APLP2: variants seen among roughly 807,000 people sequenced by gnomAD.
APLP2 encodes CDEI box-binding protein.
In APLP2, 53 loss-of-function variants were observed where a neutral mutation model predicts 89.9. The observed-to-expected ratio is 0.59, with a 90% CI of 0.47 to 0.74. The LOEUF (loss-of-function observed/expected upper bound fraction) is 0.74, where lower values mean the gene tolerates loss of function less well. APLP2 is among the 30% of genes least tolerant of loss of function. The pLI, the probability that APLP2 is intolerant of heterozygous loss-of-function variation, is 0.00. For synonymous variants in APLP2, 372 were observed against 348.6 expected (o/e 1.07, Z -0.75); for missense variants, 973 against 975.9 (o/e 1.00, Z 0.04).
intron 1 of APLP2, among the ~76,000 whole-genome samples, chr11:130,105,701 C>CTTTTTTTT (rs765278847): frequency 2.5e-5 from 3 of 118,188 alleles, no homozygotes; most frequent in South Asian, 2.6e-4. Context: ...TTTCTGTCTG[C>CTTTTTTTT]TTTTTTTTTT....
At chr11:130,077,179 G>A (rs1452047353) in intron 1 of APLP2, among the ~76,000 whole-genome samples, 1 of 152,188 alleles carries the variant, frequency 6.6e-6, no homozygotes, top group Non-Finnish European at 1.5e-5. Flanking sequence ...TTAAAAGTTA[G>A]CTGGCAAAAT....
chr11:130,077,895 C>G (rs888027181), intron 1 of APLP2, among the ~76,000 whole-genome samples: 4 of 152,166 alleles, frequency 2.6e-5, no homozygotes, highest in African/African-American at 9.7e-5. Context: ...ACCCTTGCTG[C>G]TTCTACCCAC....
At chr11:130,126,937 A>G (rs1338054589) in intron 8 of APLP2, 107 bp downstream of exon 8, 47 of 1,499,326 alleles carry the variant, frequency 3.1e-5, no homozygotes, top group Non-Finnish European at 4.3e-5. Flanking sequence ...ATGCTGATGT[A>G]TAAGGACTGG....
chr11:130,142,995 C>T (rs1342304645), intron 16 of APLP2, among the ~76,000 whole-genome samples: 1 of 152,160 alleles, frequency 6.6e-6, no homozygotes, highest in Non-Finnish European at 1.5e-5. Flanking sequence ...CCCCTGGTCC[C>T]ACCGTCTGCT....
intron 10 of APLP2, among the ~76,000 whole-genome samples, chr11:130,129,527 C>A (rs983844375): frequency 7.2e-5 from 11 of 152,126 alleles, no homozygotes; most frequent in Non-Finnish European, 1.5e-4. Context: ...TTCATGAAGA[C>A]TTTTGAACAA....
intron 13 of APLP2, among the ~76,000 whole-genome samples, chr11:130,138,530 G>T (rs1048837182): frequency 2.6e-5 from 4 of 151,242 alleles, no homozygotes; most frequent in Admixed American, 2.0e-4. Context: ...GTTAAGAAAC[G>T]TGGGGGCTAT....
intron 3 of APLP2, among the ~76,000 whole-genome samples, chr11:130,113,957 C>T (rs549742792): frequency 1.3e-5 from 2 of 152,102 alleles, no homozygotes; most frequent in Non-Finnish European, 2.9e-5. Flanking sequence ...CACACATACT[C>T]GAGGTTTGTT....
At chr11:130,086,809 T>C (rs749803083) in intron 1 of APLP2, among the ~76,000 whole-genome samples, 36 of 151,130 alleles carry the variant, frequency 2.4e-4, no homozygotes, top group Non-Finnish European at 5.0e-4. Flanking sequence ...TGACCAAACA[T>C]GTGAGGATTT....
chr11:130,071,426 T>G (rs936258961), intron 1 of APLP2, among the ~76,000 whole-genome samples: 3 of 152,248 alleles, frequency 2.0e-5, no homozygotes, highest in Non-Finnish European at 4.4e-5. Context: ...TGCGATTGTT[T>G]CAGTGTGTCC....
intron 1 of APLP2, among the ~76,000 whole-genome samples, chr11:130,085,053 G>T (rs1943892232): frequency 6.6e-6 from 1 of 152,156 alleles, no homozygotes; most frequent in African/African-American, 2.4e-5. Flanking sequence ...TAGAAGAAAT[G>T]GGTAAATTTC....
Position 130,116,187 on chromosome 11 carries a change from A to G in APLP2, c.404-4519A>G, listed in dbSNP as rs531952850. On this transcript the variant is annotated intron_variant, in intron 3 of 16. Coordinates refer to ENST00000338167, the MANE Select transcript of APLP2 (RefSeq NM_001142276.2). ...TAAGGTTGGGAGAAAAAAAAAAGAT[A>G]AAGTTGGCCTTAAGTAACTAGCCTG... Among the ~76,000 whole-genome samples the G allele has an allele frequency of 9.2e-5, 14 of 152,320 alleles. No individual in the cohort carries two copies. The East Asian group carries it at 2.7e-3, about 29-fold the overall frequency.
intron 1 of APLP2, among the ~76,000 whole-genome samples, chr11:130,080,845 C>T (rs961243608): frequency 6.7e-5 from 10 of 149,326 alleles, no homozygotes; most frequent in East Asian, 4.0e-4. Flanking sequence ...TACAGGTGCC[C>T]GCCACCGTGC....
rs75494876 is a variant in APLP2, at chr11:130,097,694, A to G, written c.106-11735A>G. On this transcript the variant is annotated intron_variant, in intron 1 of 16. Transcript: ENST00000338167. ...CTCTGGCTCAGAAACAACAACAACA[A>G]AATACCCACAAGAAAAACCTAAACC... Among the ~76,000 whole-genome samples, 1,363 of 152,324 alleles carry G rather than the reference A, an allele frequency of 8.9e-3. 61 individuals carry two copies. The East Asian group carries it at 0.15, about 16-fold the overall frequency.
chr11:130,108,168 G>C (rs941928923), intron 1 of APLP2, among the ~76,000 whole-genome samples: 3 of 152,218 alleles, frequency 2.0e-5, no homozygotes, highest in Admixed American at 6.5e-5. Flanking sequence ...AGGACTTCAT[G>C]TCTAAAACAC....
chr11:130,076,798 G>A (rs994898933), intron 1 of APLP2, among the ~76,000 whole-genome samples: 6 of 152,184 alleles, frequency 3.9e-5, no homozygotes, highest in Admixed American at 6.5e-5. Context: ...TAAGAGTGAA[G>A]AAACCTTTCT....
chr11:130,097,327 A>C, intron 1 of APLP2, among the ~76,000 whole-genome samples: 1 of 152,220 alleles, frequency 6.6e-6, no homozygotes, highest in East Asian at 1.9e-4. Flanking sequence ...GCAAATTGTC[A>C]GATTTTCTTG....
At chr11:130,129,527 C>T (rs983844375) in intron 10 of APLP2, among the ~76,000 whole-genome samples, 1 of 152,126 alleles carries the variant, frequency 6.6e-6, no homozygotes. Flanking sequence ...TTCATGAAGA[C>T]TTTTGAACAA....
At chr11:130,072,737 A>G (rs1941359266) in intron 1 of APLP2, among the ~76,000 whole-genome samples, 1 of 152,202 alleles carries the variant, frequency 6.6e-6, no homozygotes, top group African/African-American at 2.4e-5. Context: ...TCGGCCTCCC[A>G]AAGTGCTGGG....
intron 1 of APLP2, among the ~76,000 whole-genome samples, chr11:130,104,665 T>C (rs1324744139): frequency 1.3e-5 from 2 of 152,174 alleles, no homozygotes. Flanking sequence ...CTTTAGGTGT[T>C]TTTTCCTTCT....
Sources: allele counts gnomAD v4.1 joint callset (sites outside exome capture counted in the v4.1 genomes callset), GRCh38; gene constraint gnomAD v4.1.1; transcripts MANE v1.5; gene names NCBI Gene and HGNC (gene_info 2026-07-23, HGNC 2026-07-21).